The following HDAC4 variants were observed in gnomAD, a reference collection of about 807,000 sequenced individuals.
The protein encoded by HDAC4 is histone deacetylase 4.
A neutral mutation model predicts 135.1 loss-of-function variants in HDAC4; 16 were observed. The ratio of observed to expected loss-of-function variants is 0.12; its 90% confidence interval spans 0.08 to 0.18. The LOEUF is 0.18. Among genes scored for constraint, HDAC4 ranks in the 10% least tolerant of loss-of-function variants. The pLI is 1.00. For missense variants in HDAC4, 1,143 were observed against 1,511.8 expected, an observed-to-expected ratio of 0.76 and a Z score of 4.05; for synonymous variants, 685 against 653.4, an observed-to-expected ratio of 1.05 and a Z score of -0.74.
intron 6 of HDAC4, among the ~76,000 whole-genome samples, chr2:239,163,273 G>A (rs557133500): frequency 6.6e-6 from 1 of 152,174 alleles, no homozygotes; most frequent in Non-Finnish European, 1.5e-5. Context: ...GAGCGCTGTC[G>A]GAGCACAGAG....
chr2:239,157,404 G>A (rs951131227), intron 6 of HDAC4, among the ~76,000 whole-genome samples: 5 of 152,210 alleles, frequency 3.3e-5, no homozygotes, highest in African/African-American at 1.2e-4. Context: ...CCAGGGAGCT[G>A]ACCTACGAAA....
chr2:239,227,658 A>C (rs1160531705), intron 3 of HDAC4, among the ~76,000 whole-genome samples: 1 of 152,216 alleles, frequency 6.6e-6, no homozygotes, highest in Non-Finnish European at 1.5e-5. Flanking sequence ...AGCGGGAGGC[A>C]GCCCTGGAGT....
At chr2:239,163,292 C>T (rs1223324340) in intron 6 of HDAC4, among the ~76,000 whole-genome samples, 2 of 152,340 alleles carry the variant, frequency 1.3e-5, no homozygotes, top group East Asian at 3.9e-4. Context: ...AGGATTCAGA[C>T]AAGAGTTCCA....
Position 239,313,390 on chromosome 2 carries a change from C to T in HDAC4, c.22+39288G>A, listed in dbSNP as rs1262564411. Among the ~76,000 whole-genome samples the T allele has an allele frequency of 6.6e-6, 1 of 152,132 alleles. No individual in the cohort carries two copies. The highest frequency in any genetic ancestry group is 2.4e-5 in the African/African-American group (1 of 41,438). On this transcript the variant is annotated intron_variant, in intron 2 of 26. Coordinates refer to ENST00000543185, the MANE Select transcript of HDAC4 (RefSeq NM_001378414.1). This position sits in a 1 kb window ranked among gnomAD's most constrained non-coding sequence, Gnocchi z 5.1. ...CACTTGCTGGAAACGGCCTCCTCCC[C>T]AAAGAGTGTGAGGATCTGGATTAGA...
intron 1 of HDAC4, among the ~76,000 whole-genome samples, chr2:239,386,544 C>G (rs947215145): frequency 6.6e-6 from 1 of 152,130 alleles, no homozygotes; most frequent in African/African-American, 2.4e-5. Context: ...GTGGGTAAGG[C>G]GTCCATGCAG....
chr2:239,373,227 G>A (rs1694761126), intron 1 of HDAC4, among the ~76,000 whole-genome samples: 1 of 152,138 alleles, frequency 6.6e-6, no homozygotes, highest in African/African-American at 2.4e-5. Context: ...CGACACTGCT[G>A]CGGCCTCTAC....
intron 22 of HDAC4, among the ~76,000 whole-genome samples, chr2:239,076,034 G>A (rs1347793045): frequency 6.6e-6 from 1 of 151,078 alleles, no homozygotes; most frequent in African/African-American, 2.4e-5. Flanking sequence ...AACTCTCCTT[G>A]GCTTCCTGGG....
chr2:239,070,082 C>T (rs750316353), intron 22 of HDAC4, among the ~76,000 whole-genome samples: 3 of 151,540 alleles, frequency 2.0e-5, no homozygotes, highest in Non-Finnish European at 2.9e-5. Flanking sequence ...GCTCTTGCTG[C>T]GACAATGCAC....
intron 1 of HDAC4, among the ~76,000 whole-genome samples, chr2:239,372,484 G>A (rs1194987689): frequency 1.3e-5 from 2 of 152,192 alleles, no homozygotes; most frequent in Non-Finnish European, 2.9e-5. Context: ...GGGCTCCCGC[G>A]CACACACGCG....
Position 239,352,802 on chromosome 2 carries a change from C to T in HDAC4, c.-103G>A. 8.5e-7 allele frequency: 1 copy of T among 1,171,318 alleles called. No homozygotes were observed. The allele number at this position is 1,171,318 out of a possible 1,614,324, so 72.6% of individuals were successfully genotyped here. On this transcript the variant is annotated 5_prime_UTR_variant, in exon 2 of 27. Transcript: ENST00000543185. The surrounding 1 kb of genome is among the most constrained non-coding windows in gnomAD (Gnocchi z 4.4). ...AAACTCCCACCAACACATACAAGTA[C>T]CGGGACGGTGAGGGCTGGGTCACAG...
intron 2 of HDAC4, among the ~76,000 whole-genome samples, chr2:239,246,612 G>T (rs747612804): frequency 2.6e-5 from 4 of 152,252 alleles, no homozygotes; most frequent in Non-Finnish European, 5.9e-5. Context: ...TGTGCTCTAA[G>T]GGCCGGAGAA....
intron 8 of HDAC4, 45 bp downstream of exon 8, chr2:239,144,537 TG>T: frequency 1.2e-6 from 2 of 1,611,750 alleles, no homozygotes; most frequent in South Asian, 2.2e-5. Flanking sequence ...CAGGAAGGCC[TG>T]GCAGAGAGGG....
Position 239,301,566 on chromosome 2 carries a change from C to T in HDAC4, c.22+51112G>A, listed in dbSNP as rs183518373. Among the ~76,000 whole-genome samples the T allele has an allele frequency of 5.9e-5, 9 of 151,906 alleles. No homozygotes were observed. The East Asian group carries it at 1.2e-3, about 20-fold the overall frequency. On this transcript the variant is annotated intron_variant, in intron 2 of 26. Transcript: ENST00000543185. ...GGTATGACATGGCTCACTGCAGCCT[C>T]GACCTCCTAGCTCGAAGGATCCTCC...
At chr2:239,182,115 C>T (rs1050209634) in intron 4 of HDAC4, among the ~76,000 whole-genome samples, 1 of 152,198 alleles carries the variant, frequency 6.6e-6, no homozygotes, top group Admixed American at 6.5e-5. Flanking sequence ...GGGAAAGGTG[C>T]CCCGAGAGCA....
At chr2:239,366,010 C>CA (rs1694181753) in intron 1 of HDAC4, among the ~76,000 whole-genome samples, 1 of 148,032 alleles carries the variant, frequency 6.8e-6, no homozygotes, top group Non-Finnish European at 1.5e-5. Flanking sequence ...CTGGTGGACA[C>CA]ACACAAACAC....
chr2:239,306,445 GGACT>G lies in HDAC4; in HGVS notation c.22+46229_22+46232del, dbSNP rs1036315020. Among the ~76,000 whole-genome samples, 6 of 152,078 alleles carry G rather than the reference GGACT, an allele frequency of 3.9e-5. No homozygotes were observed. Among genetic ancestry groups the G allele is most frequent in the African/African-American group, 1.4e-4 (6 of 41,418 alleles). On this transcript the variant is annotated intron_variant, in intron 2 of 26. Transcript: ENST00000543185. This position sits in a 1 kb window ranked among gnomAD's most constrained non-coding sequence, Gnocchi z 4.5. The stretch of plus-strand genomic sequence containing the variant: ...TGTGTCCCTGCCCAGGTGCCAGCAA[GGACT>G]GACTAATACCTGACCCAGGGCCAAG...
intron 1 of HDAC4, among the ~76,000 whole-genome samples, chr2:239,392,037 T>A (rs1373309903): frequency 1.3e-5 from 2 of 152,192 alleles, no homozygotes; most frequent in African/African-American, 4.8e-5. Context: ...CCCCACCAGC[T>A]TGGGAGGTGA....
At chr2:239,195,286 C>T (rs1404655089) in intron 3 of HDAC4, among the ~76,000 whole-genome samples, 3 of 152,194 alleles carry the variant, frequency 2.0e-5, no homozygotes, top group East Asian at 1.9e-4. Flanking sequence ...CAGCACACGC[C>T]GCCTGCATCC....
chr2:239,324,596 G>A (rs116500686), intron 2 of HDAC4, among the ~76,000 whole-genome samples: 5 of 152,304 alleles, frequency 3.3e-5, no homozygotes, highest in African/African-American at 4.8e-5. Context: ...CAGATAGCAC[G>A]CAGGACTCTG....
Sources: gnomAD v4.1 joint callset for allele counts (sites outside exome capture counted in the v4.1 genomes callset) on GRCh38, gnomAD v4.1.1 for gene constraint, Gnocchi (gnomAD v3.1) non-coding constraint, MANE v1.5 for transcripts, NCBI Gene and HGNC (gene_info 2026-07-23, HGNC 2026-07-21) for gene names.